Variants in GLB1L2 observed in about 807,000 individuals in gnomAD.
GLB1L2 encodes the protein beta-galactosidase-1-like protein 2.
In GLB1L2, 68 loss-of-function variants were observed where a neutral mutation model predicts 84.1. That is an observed-to-expected ratio of 0.81 (90% confidence interval 0.67 to 0.99). The LOEUF (loss-of-function observed/expected upper bound fraction) is 0.99. GLB1L2 is among the 50% of genes least tolerant of loss of function. The pLI, the probability that GLB1L2 is intolerant of heterozygous loss-of-function variation, is 0.00. For synonymous variants in GLB1L2, 290 were observed against 318.0 expected (o/e 0.91, Z 0.94); for missense variants, 762 against 805.6 (o/e 0.95, Z 0.66).
intron 14 of GLB1L2, 79 bp downstream of exon 14, chr11:134,371,571 C>T: frequency 9.5e-7 from 1 of 1,057,146 alleles, no homozygotes; most frequent in Admixed American, 1.7e-5. Flanking sequence ...TGAGGAAAAC[C>T]TGGGAGACCC....
chr11:134,340,624 CT>C (rs1435439749), intron 1 of GLB1L2, among the ~76,000 whole-genome samples: 1 of 152,192 alleles, frequency 6.6e-6, no homozygotes, highest in Non-Finnish European at 1.5e-5. Flanking sequence ...GGGCCGAGGC[CT>C]TGTCTTAGCA....
intron 5 of GLB1L2, among the ~76,000 whole-genome samples, chr11:134,353,777 T>C (rs1943666928): frequency 6.6e-6 from 1 of 152,244 alleles, no homozygotes; most frequent in African/African-American, 2.4e-5. Context: ...TATCATTATA[T>C]ATATTTTATC....
At chr11:134,356,061 C>T in intron 5 of GLB1L2, 2 of 638,128 alleles carry the variant, frequency 3.1e-6, no homozygotes, top group South Asian at 3.0e-5. Flanking sequence ...TTTGGTTAGA[C>T]ACTTAAATGG....
intron 1 of GLB1L2, among the ~76,000 whole-genome samples, chr11:134,342,090 G>A (rs1217591824): frequency 6.6e-6 from 1 of 152,114 alleles, no homozygotes; most frequent in African/African-American, 2.4e-5. Flanking sequence ...GTGGGAAGGA[G>A]ACCCACCCGG....
intron 7 of GLB1L2, among the ~76,000 whole-genome samples, chr11:134,362,860 G>T: frequency 6.6e-6 from 1 of 152,122 alleles, no homozygotes; most frequent in Non-Finnish European, 1.5e-5. Context: ...GTGGGGTGAG[G>T]CCTTGGGCTG....
rs1944009785 is a variant in GLB1L2 at position 134,375,178 on chromosome 11, G to C, written c.*120G>C. On this transcript the variant is annotated 3_prime_UTR_variant, in exon 19 of 19. Coordinates refer to ENST00000535456, the MANE Select transcript of GLB1L2 (RefSeq NM_001370461.1). Reference sequence around the variant, plus strand: ...GCATCTCCTTAAGTAGCAACCTCAGGGACTGGGGGCTACAGTCTGCCCCTG... The same window carrying C: ...GCATCTCCTTAAGTAGCAACCTCAGCGACTGGGGGCTACAGTCTGCCCCTG... 1.4e-6 allele frequency: 1 copy of C among 723,946 alleles called. No individual in the cohort carries two copies. Among genetic ancestry groups the C allele is most frequent in the Admixed American group, 2.6e-5 (1 of 38,660 alleles). The allele number at this position is 723,946 out of a possible 1,614,324, so 44.8% of individuals were successfully genotyped here.
chr11:134,362,174 A>G (rs900413400), intron 7 of GLB1L2, among the ~76,000 whole-genome samples: 7 of 152,030 alleles, frequency 4.6e-5, no homozygotes, highest in Non-Finnish European at 8.8e-5. Context: ...CTGAGCTTTT[A>G]TCTTCCAGTC....
At chr11:134,341,019 GA>G (rs2136260747) in intron 1 of GLB1L2, among the ~76,000 whole-genome samples, 1 of 152,252 alleles carries the variant, frequency 6.6e-6, no homozygotes. Context: ...TCAAATTTTA[GA>G]AATTGTCATA....
rs1943425577 is a variant in GLB1L2, at chr11:134,338,864, A to G, written c.87-3890A>G. ...TCCTCCAGGAACCCCACCTTGGACC[A>G]TGACCATGGCCACCCTCTCCATCCA... On this transcript the variant is annotated intron_variant, in intron 1 of 18. Coordinates refer to ENST00000535456, the MANE Select transcript of GLB1L2 (RefSeq NM_001370461.1). The surrounding 1 kb of genome is among the most constrained non-coding windows in gnomAD (Gnocchi z 6.2). 6.6e-6 allele frequency among the ~76,000 whole-genome samples: 1 copy of G among 152,162 alleles called. No homozygotes were observed. The highest frequency in any genetic ancestry group is 2.1e-4 in the South Asian group (1 of 4,822).
Position 134,339,909 on chromosome 11 carries a change from G to A in GLB1L2, c.87-2845G>A, listed in dbSNP as rs933603666. The stretch of plus-strand genomic sequence containing the variant: ...CAGGTGTCTGCACTTTGAGTCAGGC[G>A]GCTGTGACCCTGAGGGAGTTCAGAG... On this transcript the variant is annotated intron_variant, in intron 1 of 18. Coordinates refer to ENST00000535456, the MANE Select transcript of GLB1L2 (RefSeq NM_001370461.1). This position sits in a 1 kb window ranked among gnomAD's most constrained non-coding sequence, Gnocchi z 5.7. 3.3e-5 allele frequency among the ~76,000 whole-genome samples: 5 copies of A among 152,170 alleles called. No individual in the cohort carries two copies. The highest frequency in any genetic ancestry group is 7.2e-5 in the African/African-American group (3 of 41,438).
At position 134,342,781 on chromosome 11, in the gene GLB1L2, G is replaced by A; in HGVS notation, c.114G>A (p.Leu38=). ...TGGACTGGAGCACCCTGGTCCCTCT[G>A]CGGCTCCGCCATCGACAGCTGGGGC... ...RRLDWSTLVP[L]RLRHRQLGLQ... is the part of the protein sequence containing the mutation. The change falls in exon 2 of 19, where the codon CTG becomes CTA. Residue 38 remains leucine, a synonymous_variant. Transcript: ENST00000535456. 1.9e-6 allele frequency: 3 copies of A among 1,613,976 alleles called. No individual in the cohort carries two copies. The highest frequency in any genetic ancestry group is 2.5e-6 in the Non-Finnish European group (3 of 1,180,004).
chr11:134,374,699 T>G lies in GLB1L2; in HGVS notation c.1805T>G (p.Leu602Trp). 6.2e-7 allele frequency: 1 copy of G among 1,613,496 alleles called. No individual in the cohort carries two copies. Among genetic ancestry groups the G allele is most frequent in the South Asian group, 1.1e-5 (1 of 91,054 alleles). ...QKTLYLPGPW[L>W]SSGINQVIVF... ...ACGCTTTACCTCCCAGGTCCCTGGT[T>G]GAGCAGCGGAATCAACCAGGTGGGA... is the stretch of plus-strand genomic sequence containing the variant. The change falls in exon 18 of 19, where the codon TTG becomes TGG. Residue 602 changes from leucine (L) to tryptophan (W), a missense_variant. Coordinates refer to ENST00000535456, the MANE Select transcript of GLB1L2 (RefSeq NM_001370461.1).
chr11:134,349,457 A>G (rs1263713168), intron 5 of GLB1L2, among the ~76,000 whole-genome samples: 1 of 152,258 alleles, frequency 6.6e-6, no homozygotes, highest in Non-Finnish European at 1.5e-5. Context: ...GTATATACCT[A>G]GAAGTGAAAT....
intron 1 of GLB1L2, among the ~76,000 whole-genome samples, chr11:134,333,491 G>T (rs186311637): frequency 1.3e-5 from 2 of 152,212 alleles, no homozygotes; most frequent in African/African-American, 4.8e-5. Context: ...AAAGGCTAGC[G>T]GCTGCAGGCC....
At chr11:134,359,176 G>C in intron 7 of GLB1L2, 35 bp downstream of exon 7, 1 of 1,470,824 alleles carries the variant, frequency 6.8e-7, no homozygotes, top group Non-Finnish European at 9.3e-7. Context: ...GGGGGCTGGC[G>C]GCGGCCCTGG....
rs1156678303 is a variant in GLB1L2 at position 134,376,136 on chromosome 11, GGGA to G, written c.*1085_*1087del. ...GCCATGGCCCATGTCTGCACATCCAGGGAGGAGGACAGAAGGCCCAGCTCAGTG... is the reference window on the plus strand; with the variant it reads ...GCCATGGCCCATGTCTGCACATCCAGGGAGGACAGAAGGCCCAGCTCAGTG... On this transcript the variant is annotated 3_prime_UTR_variant, in exon 19 of 19. Transcript: ENST00000535456. 4 of 152,418 alleles carry G rather than the reference GGGA, an allele frequency of 2.6e-5. No individual in the cohort carries two copies. Among genetic ancestry groups the G allele is most frequent in the African/African-American group, 9.7e-5 (4 of 41,416 alleles). 9.4% of individuals were successfully genotyped at this position (152,418 alleles called of 1,614,324 possible). A position where few individuals can be genotyped will look rare whatever the true frequency, so the allele number is the denominator to read the frequency against.
At chr11:134,342,973 C>T in intron 2 of GLB1L2, 22 bp downstream of exon 2, 3 of 1,591,636 alleles carry the variant, frequency 1.9e-6, no homozygotes, top group Non-Finnish European at 2.6e-6. Context: ...CCCTGTCCCC[C>T]CGGAGCCTGG....
chr11:134,374,412 G>T (rs1943997831), intron 17 of GLB1L2, among the ~76,000 whole-genome samples, 156 bp downstream of exon 17: 1 of 152,160 alleles, frequency 6.6e-6, no homozygotes, highest in Non-Finnish European at 1.5e-5. Flanking sequence ...AGAGGAGTGG[G>T]TTCCCAGCAG....
At position 134,348,528 on chromosome 11, in the gene GLB1L2, C is replaced by T. The variant is rs187313316; in HGVS notation, c.558+1095C>T. 1.4e-3 allele frequency among the ~76,000 whole-genome samples: 219 copies of T among 152,164 alleles called. 5 individuals carry two copies. In the South Asian group the frequency reaches 0.03, roughly 21 times the overall value. ...CACCAATGCATCTTTTTGAAATAAACGATAACATAATTATTATTATTTAAC... is the reference window on the plus strand; with the variant it reads ...CACCAATGCATCTTTTTGAAATAAATGATAACATAATTATTATTATTTAAC... On this transcript the variant is annotated intron_variant, in intron 5 of 18. Coordinates refer to ENST00000535456, the MANE Select transcript of GLB1L2 (RefSeq NM_001370461.1).
Sources: gnomAD v4.1 joint callset for allele counts (sites outside exome capture counted in the v4.1 genomes callset) on GRCh38, gnomAD v4.1.1 for gene constraint, Gnocchi (gnomAD v3.1) non-coding constraint, MANE v1.5 for transcripts, NCBI Gene and HGNC (gene_info 2026-07-23, HGNC 2026-07-21) for gene names.